PHKA2: variants seen among roughly 807,000 people sequenced by gnomAD.
The protein encoded by PHKA2 is phosphorylase kinase regulatory subunit alpha 2, also known as phosphorylase b kinase regulatory subunit alpha, liver isoform.
In PHKA2, 31 loss-of-function variants were observed where a neutral mutation model predicts 102.0. The ratio of observed to expected loss-of-function variants is 0.30; its 90% CI spans 0.23 to 0.41. The LOEUF is 0.41. PHKA2 is among the 10% of genes least tolerant of loss of function. The probability of loss-of-function intolerance (pLI) is 1.00; values close to 1 mark genes in which losing one functional copy is unlikely to be tolerated. For missense variants in PHKA2, 858 were observed against 1,023.1 expected, an observed-to-expected ratio of 0.84 and a Z score of 2.20; for synonymous variants, 455 against 416.2, an observed-to-expected ratio of 1.09 and a Z score of -1.13.
At chrX:18,900,850 T>C (rs1282390525) in intron 27 of PHKA2, 151 bp from the exon 28 acceptor site, 2 of 512,618 alleles carry the variant, frequency 3.9e-6, no homozygotes, top group Non-Finnish European at 7.0e-6. Context: ...TAGTGGGTCA[T>C]GAACAGCATT....
chrX:18,917,226 T>C (rs1389520049), intron 19 of PHKA2, among the ~76,000 whole-genome samples: 1 of 109,029 alleles, frequency 9.2e-6, no homozygotes, highest in African/African-American at 3.3e-5. Context: ...AAGAAGACAA[T>C]AAGTCATACT....
At chrX:18,969,763 A>G (rs771339632) in intron 1 of PHKA2, among the ~76,000 whole-genome samples, 1 of 112,094 alleles carries the variant, frequency 8.9e-6, no homozygotes, top group South Asian at 3.7e-4. Context: ...GAACTGTCAC[A>G]CTACTCCAAA....
chrX:18,898,353 G>A (rs749612965), intron 29 of PHKA2, among the ~76,000 whole-genome samples: 5 of 112,860 alleles, frequency 4.4e-5, no homozygotes, highest in Non-Finnish European at 7.5e-5. Flanking sequence ...CCCTCCCTGC[G>A]GCAAAGCTCC....
chrX:18,958,204 C>T (rs1041250754), intron 1 of PHKA2, among the ~76,000 whole-genome samples: 1 of 111,503 alleles, frequency 9.0e-6, no homozygotes, highest in African/African-American at 3.3e-5. Flanking sequence ...TCATATGATA[C>T]ACACTGCTGC....
chrX:18,954,856 C>T (rs761570683), intron 1 of PHKA2, among the ~76,000 whole-genome samples: 6 of 112,211 alleles, frequency 5.3e-5, no homozygotes, highest in Admixed American at 3.8e-4. Context: ...GGCCCCACTC[C>T]GCTCTCTAGC....
chrX:18,911,758 A>T (rs1480127955), intron 19 of PHKA2, among the ~76,000 whole-genome samples: 1 of 112,767 alleles, frequency 8.9e-6, no homozygotes, highest in Non-Finnish European at 1.9e-5. Context: ...GCAGGCATAG[A>T]TCTTGCTTTG....
At chrX:18,918,622 C>T in intron 19 of PHKA2, 59 bp downstream of exon 19, 1 of 1,065,414 alleles carries the variant, frequency 9.4e-7, no homozygotes, top group South Asian at 1.9e-5. Flanking sequence ...AAATTATGTC[C>T]CTGCATTACT....
chrX:18,911,874 G>A (rs976329269), intron 19 of PHKA2, among the ~76,000 whole-genome samples: 2 of 111,812 alleles, frequency 1.8e-5, no homozygotes, highest in Non-Finnish European at 3.8e-5. Flanking sequence ...TTTTTCTTTC[G>A]GATGAGGAAA....
At chrX:18,940,386 G>A (rs1271104959) in intron 8 of PHKA2, among the ~76,000 whole-genome samples, 1 of 111,851 alleles carries the variant, frequency 8.9e-6, no homozygotes, top group Non-Finnish European at 1.9e-5. Flanking sequence ...CACCAAGGCA[G>A]ATACTTGGAT....
rs760032674 is a variant in PHKA2, at chrX:18,897,140, C to T, written c.3282+23G>A. 12 of 1,207,664 alleles carry T rather than the reference C, an allele frequency of 9.9e-6. No homozygotes were observed. In the African/African-American group the frequency reaches 2.1e-4, roughly 21 times the overall value. On this transcript the variant is annotated intron_variant, in intron 30 of 32. Coordinates refer to ENST00000379942, the MANE Select transcript of PHKA2 (RefSeq NM_000292.3). ...ACAGTAAGGGGACGGTTCACTTCCCCAGGAGCTCGCGTCTCGGCTTACCTT... is the reference window on the plus strand; with the variant it reads ...ACAGTAAGGGGACGGTTCACTTCCCTAGGAGCTCGCGTCTCGGCTTACCTT...
intron 30 of PHKA2, among the ~76,000 whole-genome samples, chrX:18,896,864 TG>T (rs1295083407): frequency 8.9e-6 from 1 of 112,156 alleles, no homozygotes; most frequent in Non-Finnish European, 1.9e-5. Context: ...TCAACTGGGT[TG>T]ATCTGCCTCC....
chrX:18,974,459 T>G (rs2049058527), intron 1 of PHKA2, among the ~76,000 whole-genome samples: 1 of 112,238 alleles, frequency 8.9e-6, no homozygotes, highest in Non-Finnish European at 1.9e-5. Context: ...TTATTAGCCT[T>G]TTACTCATCT....
At chrX:18,951,682 C>T (rs764613758) in intron 3 of PHKA2, among the ~76,000 whole-genome samples, 1 of 111,690 alleles carries the variant, frequency 9.0e-6, no homozygotes, top group Non-Finnish European at 1.9e-5. Context: ...TCTTTTCTTG[C>T]GCTGACTGAG....
chrX:18,945,020 G>T, intron 6 of PHKA2, 58 bp downstream of exon 6: 1 of 751,865 alleles, frequency 1.3e-6, no homozygotes, highest in Non-Finnish European at 2.1e-6. Context: ...CTGATGAAGG[G>T]AACCAAATCA....
chrX:18,905,900 G>A lies in PHKA2; in HGVS notation c.2807-41C>T, dbSNP rs58948019. On this transcript the variant is annotated intron_variant, in intron 25 of 32. Coordinates refer to ENST00000379942, the MANE Select transcript of PHKA2 (RefSeq NM_000292.3). Reference sequence around the variant, plus strand: ...TTGTAAGTGTCCCAAACACAGGGCTGGTGGCGGGTAAAGGTAGGGTCAGGT... The same window carrying A: ...TTGTAAGTGTCCCAAACACAGGGCTAGTGGCGGGTAAAGGTAGGGTCAGGT... The A allele has an allele frequency of 0.013, 13,245 of 1,007,752 alleles. 905 individuals are homozygous for A. The African/African-American group carries it at 0.21, about 16-fold the overall frequency. The allele number at this position is 1,007,752 out of a possible 1,213,427, so 83.1% of individuals were successfully genotyped here.
intron 11 of PHKA2, among the ~76,000 whole-genome samples, chrX:18,934,395 G>A (rs1011675705): frequency 9.0e-6 from 1 of 111,609 alleles, no homozygotes; most frequent in South Asian, 3.8e-4. Flanking sequence ...GTGGGCTGTC[G>A]GTTCATGTTG....
At chrX:18,937,631 G>A (rs763346170) in intron 10 of PHKA2, among the ~76,000 whole-genome samples, 2 of 111,763 alleles carry the variant, frequency 1.8e-5, no homozygotes, top group South Asian at 3.8e-4. Context: ...GAGGGCACAT[G>A]GCCTGTTTAA....
At position 18,954,368 on chromosome X, in the gene PHKA2, A is replaced by G; in HGVS notation, c.123T>C (p.Asp41=). 1 of 1,211,868 alleles carries G rather than the reference A, an allele frequency of 8.3e-7. No homozygotes were observed. Among genetic ancestry groups the G allele is most frequent in the Non-Finnish European group, 1.1e-6 (1 of 895,368 alleles). ...GLLSASHEQK[D]AWVRDNIYSI... is the part of the protein sequence containing the mutation. ...TGTAGATGTTATCCCGCACCCAGGCATCCTTCTGCTCATGGCTGGCTGACA... is the reference window on the plus strand; with the variant it reads ...TGTAGATGTTATCCCGCACCCAGGCGTCCTTCTGCTCATGGCTGGCTGACA... Residue 41 remains aspartate, a synonymous_variant, in exon 2 of 33, where the codon GAT becomes GAC. Transcript: ENST00000379942.
intron 1 of PHKA2, among the ~76,000 whole-genome samples, chrX:18,972,968 T>C (rs1414984944): frequency 1.8e-5 from 2 of 112,379 alleles, no homozygotes; most frequent in African/African-American, 3.2e-5. Flanking sequence ...TTACCCTTTA[T>C]CAAGATAATA....
Sources: allele counts gnomAD v4.1 joint callset (sites outside exome capture counted in the v4.1 genomes callset), GRCh38; gene constraint gnomAD v4.1.1; transcripts MANE v1.5; gene names NCBI Gene and HGNC (gene_info 2026-07-23, HGNC 2026-07-21).